Variants in SLC26A5 observed in about 807,000 individuals in gnomAD.
SLC26A5 encodes the protein prestin.
Under a neutral mutation model 81.0 loss-of-function variants are expected in SLC26A5, and 51 were observed. The ratio of observed to expected loss-of-function variants is 0.63; its 90% CI spans 0.50 to 0.80. The LOEUF is 0.80. SLC26A5 is among the 30% of genes least tolerant of loss of function. The pLI, the probability that SLC26A5 is intolerant of heterozygous loss-of-function variation, is 0.00. For synonymous variants in SLC26A5, 325 were observed against 332.8 expected (o/e 0.98, Z 0.25); for missense variants, 771 against 905.8 (o/e 0.85, Z 1.91).
At chr7:103,362,157 C>T (rs1820449797) in intron 19 of SLC26A5, 1 of 1,590,240 alleles carries the variant, frequency 6.3e-7, no homozygotes, top group Non-Finnish European at 8.5e-7. Flanking sequence ...ATATCCTTGG[C>T]TTTGTAGTGA....
Position 103,420,883 on chromosome 7 carries a change from A to G in SLC26A5, c.153-6T>C. 1 of 1,604,814 alleles carries G rather than the reference A, an allele frequency of 6.2e-7. No individual in the cohort carries two copies. Among genetic ancestry groups the G allele is most frequent in the South Asian group, 1.1e-5 (1 of 90,924 alleles). Reference sequence around the variant, plus strand: ...TTATTTTTTTAGGAGTACATCTGAAAGGACAAAGACAGACAGAGATAAAGT... The same window carrying G: ...TTATTTTTTTAGGAGTACATCTGAAGGGACAAAGACAGACAGAGATAAAGT... On this transcript the variant is annotated splice_polypyrimidine_tract_variant and splice_region_variant and intron_variant, in intron 3 of 19. Coordinates refer to ENST00000306312, the MANE Select transcript of SLC26A5 (RefSeq NM_198999.3).
At chr7:103,389,665 C>T (rs1822488391) in intron 12 of SLC26A5, among the ~76,000 whole-genome samples, 3 of 152,156 alleles carry the variant, frequency 2.0e-5, no homozygotes, top group Admixed American at 6.5e-5. Context: ...CTCTGTCGCC[C>T]AGGCTGGAGT....
At chr7:103,360,803 A>G (rs1174612426) in intron 19 of SLC26A5, among the ~76,000 whole-genome samples, 1 of 152,232 alleles carries the variant, frequency 6.6e-6, no homozygotes, top group East Asian at 1.9e-4. Flanking sequence ...GGAAATGAAT[A>G]TAATTAAGTT....
chr7:103,417,730 A>G (rs991356533), intron 4 of SLC26A5, among the ~76,000 whole-genome samples: 1 of 151,988 alleles, frequency 6.6e-6, no homozygotes, highest in Non-Finnish European at 1.5e-5. Flanking sequence ...CTTACTCTTC[A>G]ATCCTATTCC....
Position 103,421,325 on chromosome 7 carries a change from A to G in SLC26A5, c.152+38T>C, listed in dbSNP as rs777783139. On this transcript the variant is annotated intron_variant, in intron 3 of 19. Coordinates refer to ENST00000306312, the MANE Select transcript of SLC26A5 (RefSeq NM_198999.3). ...TTGACCTTGCGCCTCTCATAACTGA[A>G]TGATACAATAACAGAAACAGGTTAA... 1.9e-5 allele frequency: 31 copies of G among 1,611,686 alleles called. No individual in the cohort carries two copies. The Middle Eastern group carries it at 4.9e-4, about 26-fold the overall frequency.
In SLC26A5 at chr7:103,393,063, C is replaced by G. The variant is rs1325422250; in HGVS notation, c.975G>C (p.Leu325=). 1.2e-6 allele frequency: 2 copies of G among 1,613,906 alleles called. No homozygotes were observed. Among genetic ancestry groups the G allele is most frequent in the South Asian group, 2.2e-5 (2 of 91,070 alleles). Reference sequence around the variant, plus strand: ...TGGTGTCCGGATTGGCTGGAGGTAGCAGCCTGAAAAGTCAAGCTGCCTTTA... The same window carrying G: ...TGGTGTCCGGATTGGCTGGAGGTAGGAGCCTGAAAAGTCAAGCTGCCTTTA... ...VDVVGTLPLG[L]LPPANPDTSL... Residue 325 remains leucine (L), a synonymous_variant, in exon 10 of 20, where the codon CTG becomes CTC. Coordinates refer to ENST00000306312, the MANE Select transcript of SLC26A5 (RefSeq NM_198999.3).
At chr7:103,372,820 G>GA (rs1821110289), downstream of SLC26A5, among the ~76,000 whole-genome samples, 1 of 144,850 alleles carries the variant, frequency 6.9e-6, no homozygotes, top group African/African-American at 2.6e-5. Context: ...ATAATGGATT[G>GA]AAACCCATTA....
At chr7:103,355,606 CA>C in intron 19 of SLC26A5, 1 of 981,886 alleles carries the variant, frequency 1.0e-6, no homozygotes. Flanking sequence ...TGATTCAGTG[CA>C]AAATATCAGT....
chr7:103,436,764 C>A (rs888570375), intron 2 of SLC26A5, among the ~76,000 whole-genome samples: 3 of 152,120 alleles, frequency 2.0e-5, no homozygotes, highest in Non-Finnish European at 4.4e-5. Context: ...AAATTGGATC[C>A]TTTTCTCATA....
intron 8 of SLC26A5, among the ~76,000 whole-genome samples, chr7:103,404,069 G>C (rs1021530381): frequency 6.6e-6 from 1 of 152,040 alleles, no homozygotes. Flanking sequence ...TGTAATCCCA[G>C]CTACTCAGGA....
chr7:103,398,110 T>A (rs547644390), intron 8 of SLC26A5, 96 bp from the exon 9 acceptor site: 52 of 947,012 alleles, frequency 5.5e-5, no homozygotes, highest in Non-Finnish European at 7.6e-5. Flanking sequence ...TCAAATCTAT[T>A]CTCACTTTTA....
At chr7:103,366,710 A>G (rs141683647) in intron 19 of SLC26A5, among the ~76,000 whole-genome samples, 1 of 152,358 alleles carries the variant, frequency 6.6e-6, no homozygotes, top group East Asian at 1.9e-4. Context: ...ACTGGGGCAT[A>G]ATTTAATTGA....
chr7:103,391,635 C>T lies in SLC26A5; in HGVS notation c.1220G>A (p.Gly407Asp). 1 of 1,614,064 alleles carries T rather than the reference C, an allele frequency of 6.2e-7. No individual in the cohort carries two copies. The highest frequency in any genetic ancestry group is 1.1e-5 in the South Asian group (1 of 91,068). Residue 407 changes from glycine (G) to aspartate (D), a missense_variant, in exon 11 of 20, where the codon GGT (glycine) becomes GAT (aspartate). Gly to Asp is a moderately conservative substitution (Grantham distance 94). Coordinates refer to ENST00000306312, the MANE Select transcript of SLC26A5 (RefSeq NM_198999.3). ...TTATGTACATACCTGTGTCTTCCCA[C>T]CGGTTCCCTCCTGAACAAGGCTTCG... is the stretch of plus-strand genomic sequence containing the variant. ...LSRSLVQEGT[G>D]GKTQLAGCLA... is the part of the protein sequence containing the mutation.
rs775273667 is a variant in SLC26A5, at chr7:103,420,839, A to G, written c.191T>C (p.Phe64Ser). The part of the protein sequence containing the change: ...PKKIRNIIYM[F>S]LPITKWLPAY... ...TGGCAGCCATTTAGTTATGGGTAGG[A>G]ACATATAAATGATATTTCTTATTTT... Residue 64 changes from phenylalanine to serine, a missense_variant, in exon 4 of 20, where the codon TTC (phenylalanine) becomes TCC (serine). By Grantham distance (155) the Phe-to-Ser change is radical. Transcript: ENST00000306312. 2 of 1,613,094 alleles carry G rather than the reference A, an allele frequency of 1.2e-6. No individual in the cohort carries two copies. The highest frequency in any genetic ancestry group is 1.7e-6 in the Non-Finnish European group (2 of 1,179,040).
At chr7:103,375,201 T>C (rs1821269370) in intron 19 of SLC26A5, among the ~76,000 whole-genome samples, 1 of 150,856 alleles carries the variant, frequency 6.6e-6, no homozygotes, top group South Asian at 2.1e-4. Flanking sequence ...TTCTGAACCC[T>C]TTTTGCTTAA....
At position 103,380,513 on chromosome 7, in the gene SLC26A5, A is replaced by G; in HGVS notation, c.1551T>C (p.Thr517=). ...SYKVLGKLPE[T]DVYIDIDAYE... ...ATGCGTCTATATCAATATACACATCAGTTTCAGGAAGCTTTCCAAGGACTT... is the reference window on the plus strand; with the variant it reads ...ATGCGTCTATATCAATATACACATCGGTTTCAGGAAGCTTTCCAAGGACTT... Residue 517 remains threonine, a synonymous_variant, in exon 15 of 20, where the codon ACT becomes ACC. Transcript: ENST00000306312. 1 of 1,613,848 alleles carries G rather than the reference A, an allele frequency of 6.2e-7. No individual in the cohort carries two copies. The highest frequency in any genetic ancestry group is 1.7e-5 in the Admixed American group (1 of 59,998).
chr7:103,421,541 C>T lies in SLC26A5; in HGVS notation c.-27G>A, dbSNP rs1411674424. 2 of 1,612,668 alleles carry T rather than the reference C, an allele frequency of 1.2e-6. No individual in the cohort carries two copies. Among genetic ancestry groups the T allele is most frequent in the Admixed American group, 3.3e-5 (2 of 59,962 alleles). ...GTACTCTGAAATTATTCCTTAACAG[C>T]CGGAGACAAGCATTTCCTGAGTGTC... On this transcript the variant is annotated 5_prime_UTR_variant, in exon 3 of 20. Transcript: ENST00000306312.
chr7:103,360,332 T>G (rs989148707), intron 19 of SLC26A5, among the ~76,000 whole-genome samples: 1 of 151,378 alleles, frequency 6.6e-6, no homozygotes, highest in African/African-American at 2.4e-5. Context: ...GTTGTTCTTG[T>G]TTTTCCTTTC....
intron 2 of SLC26A5, among the ~76,000 whole-genome samples, chr7:103,434,674 C>T (rs1311818678): frequency 6.6e-6 from 1 of 151,718 alleles, no homozygotes; most frequent in East Asian, 1.9e-4. Flanking sequence ...TTTATTGAGA[C>T]AAAGTCTCAC....
Sources: gnomAD v4.1 joint callset for allele counts (sites outside exome capture counted in the v4.1 genomes callset) on GRCh38, gnomAD v4.1.1 for gene constraint, MANE v1.5 for transcripts, NCBI Gene and HGNC (gene_info 2026-07-23, HGNC 2026-07-21) for gene names.